Variants in EXOC4 observed in about 807,000 individuals in gnomAD.
The protein encoded by EXOC4 is exocyst complex component 4, also known as SEC8-like 1.
Under a neutral mutation model 107.2 loss-of-function variants are expected in EXOC4, and 71 were observed. That is an observed-to-expected ratio of 0.66 (90% confidence interval 0.55 to 0.81). The LOEUF is 0.81. EXOC4 is among the 30% of genes least tolerant of loss of function. The pLI is 0.00. For missense variants in EXOC4, 1,108 were observed against 1,189.6 expected, an observed-to-expected ratio of 0.93 and a Z score of 1.01; for synonymous variants, 456 against 441.2, an observed-to-expected ratio of 1.03 and a Z score of -0.42.
rs77443032 is a variant in EXOC4, at chr7:133,277,592, C to G, written c.276+2421C>G. ...TCTTACCATCCTCATTTTCAGTATG[C>G]CAGAGTTTTGAGCAAAAGAAAATAA... On this transcript the variant is annotated intron_variant, in intron 2 of 17. Coordinates refer to ENST00000253861, the MANE Select transcript of EXOC4 (RefSeq NM_021807.4). Among the ~76,000 whole-genome samples the G allele has an allele frequency of 6.3e-3, 953 of 152,230 alleles. 9 individuals carry two copies. Among genetic ancestry groups the G allele is most frequent in the African/African-American group, 0.022 (910 of 41,538 alleles).
intron 10 of EXOC4, among the ~76,000 whole-genome samples, chr7:133,809,792 A>AT (rs1291811002): frequency 1.3e-5 from 2 of 152,244 alleles, no homozygotes; most frequent in Non-Finnish European, 2.9e-5. Flanking sequence ...GCATATATAA[A>AT]TGTACACATT....
At chr7:133,538,887 G>GGGAGGGAGGGAAGGAA in intron 9 of EXOC4, among the ~76,000 whole-genome samples, 2 of 147,106 alleles carry the variant, frequency 1.4e-5, no homozygotes, top group Non-Finnish European at 3.0e-5. Flanking sequence ...GAGAGAGGGA[G>GGGAGGGAGGGAAGGAA]GGAGGGAGGG....
chr7:133,698,313 A>G (rs1794582441), intron 10 of EXOC4, among the ~76,000 whole-genome samples: 1 of 152,124 alleles, frequency 6.6e-6, no homozygotes, highest in Non-Finnish European at 1.5e-5. Flanking sequence ...CTTAAAGAAC[A>G]TGCAGGCCAG....
intron 7 of EXOC4, 117 bp downstream of exon 7, chr7:133,375,119 G>C: frequency 1.3e-6 from 1 of 786,600 alleles, no homozygotes. Context: ...AACAGGGTGA[G>C]AAAGTAATGC....
chr7:133,910,289 T>C (rs1799662808), intron 12 of EXOC4, among the ~76,000 whole-genome samples: 1 of 152,210 alleles, frequency 6.6e-6, no homozygotes, highest in Non-Finnish European at 1.5e-5. Flanking sequence ...CTTCTTGATC[T>C]TTTAAGTGTC....
chr7:133,449,222 C>T (rs140356930), intron 7 of EXOC4, among the ~76,000 whole-genome samples: 198 of 152,246 alleles, frequency 1.3e-3, no homozygotes, highest in African/African-American at 4.5e-3. Context: ...TGCCGTAGAA[C>T]GCCAAGGATT....
chr7:133,495,597 T>G (rs1799458793), intron 9 of EXOC4, among the ~76,000 whole-genome samples: 1 of 152,236 alleles, frequency 6.6e-6, no homozygotes, highest in Non-Finnish European at 1.5e-5. Flanking sequence ...TCATACTCTG[T>G]TTTGTGTTTC....
At chr7:133,713,793 C>T (rs944109197) in intron 10 of EXOC4, among the ~76,000 whole-genome samples, 2 of 152,140 alleles carry the variant, frequency 1.3e-5, no homozygotes, top group African/African-American at 4.8e-5. Context: ...AAGAAGGTGC[C>T]TTGCTTCCCC....
the EXOC4 span, among the ~76,000 whole-genome samples, chr7:134,082,939 A>G: frequency 6.6e-6 from 1 of 152,214 alleles, no homozygotes; most frequent in Non-Finnish European, 1.5e-5. Context: ...ATGACATTAC[A>G]TATAAAATCA....
At chr7:133,294,733 G>T (rs1794480874) in intron 3 of EXOC4, among the ~76,000 whole-genome samples, 1 of 151,892 alleles carries the variant, frequency 6.6e-6, no homozygotes, top group South Asian at 2.1e-4. Flanking sequence ...AAGAAATTAG[G>T]GCAGCTATTT....
chr7:133,684,564 A>G (rs966553185), intron 10 of EXOC4, among the ~76,000 whole-genome samples: 1 of 152,208 alleles, frequency 6.6e-6, no homozygotes, highest in African/African-American at 2.4e-5. Flanking sequence ...GGACCCCATA[A>G]AAAGAAAATG....
chr7:133,993,284 T>G (rs947518711), intron 14 of EXOC4, among the ~76,000 whole-genome samples: 1 of 152,190 alleles, frequency 6.6e-6, no homozygotes, highest in Non-Finnish European at 1.5e-5. Flanking sequence ...TGTCAAATGA[T>G]GAGTTGTAGA....
At chr7:133,827,967 A>C (rs1246437745) in intron 11 of EXOC4, among the ~76,000 whole-genome samples, 15 of 152,194 alleles carry the variant, frequency 9.9e-5, no homozygotes, top group Non-Finnish European at 2.2e-4. Context: ...ATTACTTTCT[A>C]TCATGAGTAA....
chr7:133,966,442 A>G (rs984511736), intron 14 of EXOC4, among the ~76,000 whole-genome samples: 13 of 152,152 alleles, frequency 8.5e-5, no homozygotes, highest in Non-Finnish European at 1.8e-4. Context: ...TGCCTATTCA[A>G]TATGATACTG....
At chr7:134,068,614 G>A (rs1796219565), downstream of EXOC4, among the ~76,000 whole-genome samples, 1 of 152,106 alleles carries the variant, frequency 6.6e-6, no homozygotes, top group Non-Finnish European at 1.5e-5. Context: ...CCATCCTTAG[G>A]TACTATTACT....
chr7:133,518,161 T>C (rs1038514361), intron 9 of EXOC4, among the ~76,000 whole-genome samples: 12 of 152,050 alleles, frequency 7.9e-5, no homozygotes, highest in Non-Finnish European at 1.6e-4. Context: ...TCATATTTGC[T>C]AGTATCCTGT....
chr7:133,380,997 C>T (rs1340840037), intron 7 of EXOC4, among the ~76,000 whole-genome samples: 1 of 152,082 alleles, frequency 6.6e-6, no homozygotes, highest in Non-Finnish European at 1.5e-5. Context: ...CCTTTCTGCC[C>T]TTATCTTTTT....
chr7:133,569,712 T>C (rs1347576361), intron 9 of EXOC4, among the ~76,000 whole-genome samples: 1 of 152,160 alleles, frequency 6.6e-6, no homozygotes, highest in Admixed American at 6.5e-5. Context: ...CCAAAAGAAG[T>C]ATAAAATATT....
At chr7:133,499,201 T>C (rs1437855428) in intron 9 of EXOC4, among the ~76,000 whole-genome samples, 1 of 152,136 alleles carries the variant, frequency 6.6e-6, no homozygotes, top group Non-Finnish European at 1.5e-5. Context: ...GCATACTTAG[T>C]AATTTAATTA....
Sources: gnomAD v4.1 joint callset for allele counts (sites outside exome capture counted in the v4.1 genomes callset) on GRCh38, gnomAD v4.1.1 for gene constraint, MANE v1.5 for transcripts, NCBI Gene and HGNC (gene_info 2026-07-23, HGNC 2026-07-21) for gene names.